The following TLN2 variants were observed in gnomAD, a reference collection of about 807,000 sequenced individuals.
The protein encoded by TLN2 is talin 2.
TLN2 carries 118 observed loss-of-function variants against 294.7 expected under a neutral mutation model. That is an observed-to-expected ratio of 0.40 (90% CI 0.34 to 0.47). The LOEUF (loss-of-function observed/expected upper bound fraction) is 0.47, where lower values mean the gene tolerates loss of function less well. TLN2 is among the 20% of genes least tolerant of loss of function. The pLI is 0.84. For synonymous variants in TLN2, 1,431 were observed against 1,304.5 expected (o/e 1.10, Z -2.09); for missense variants, 3,083 against 3,282.2 (o/e 0.94, Z 1.48).
At chr15:62,569,214 AT>A (rs2043662306) in intron 1 of TLN2, among the ~76,000 whole-genome samples, 1 of 152,188 alleles carries the variant, frequency 6.6e-6, no homozygotes, top group African/African-American at 2.4e-5. Context: ...TTCTCTCGAT[AT>A]CCCTAATTAC....
intron 1 of TLN2, among the ~76,000 whole-genome samples, chr15:62,503,679 C>T (rs1306825129): frequency 6.6e-6 from 1 of 152,238 alleles, no homozygotes; most frequent in Non-Finnish European, 1.5e-5. Flanking sequence ...CCCATTTCCT[C>T]TCTTGGCTCT....
chr15:62,439,464 C>G (rs891901593), intron 1 of TLN2, among the ~76,000 whole-genome samples: 9 of 152,194 alleles, frequency 5.9e-5, no homozygotes, highest in African/African-American at 2.2e-4. Context: ...AGGTACCCAC[C>G]ACCACGCCCG....
intron 1 of TLN2, among the ~76,000 whole-genome samples, chr15:62,561,638 GGAGT>G (rs2042966251): frequency 6.6e-6 from 1 of 152,188 alleles, no homozygotes; most frequent in East Asian, 1.9e-4. Context: ...CGCTTTCTAT[GGAGT>G]TGAGGAAAGT....
chr15:62,829,422 A>C (rs142614290), intron 54 of TLN2: 1 of 152,076 alleles, frequency 6.6e-6, no homozygotes, highest in African/African-American at 2.4e-5. Context: ...AACAGATCTC[A>C]TGAAACTTAC....
In TLN2 at chr15:62,840,714, T is replaced by TCCCGGGTGAG; in HGVS notation, c.*107_*116dup. On this transcript the variant is annotated 3_prime_UTR_variant, in exon 59 of 59. Transcript: ENST00000636159. ...CTTAGCTGGAAACCGCCCACCTCCC[T>TCCCGGGTGAG]CCCGGGTGAGCCTGGAGCCCTGCGT... 6.8e-7 allele frequency: 1 copy of TCCCGGGTGAG among 1,476,470 alleles called. No homozygotes were observed. The highest frequency in any genetic ancestry group is 1.4e-5 in the South Asian group (1 of 71,888). 91.5% of individuals were successfully genotyped at this position (1,476,470 alleles called of 1,614,324 possible).
At chr15:62,800,232 G>T (rs1004165871) in intron 48 of TLN2, 136 bp from the exon 49 acceptor site, 3 of 1,398,192 alleles carry the variant, frequency 2.1e-6, no homozygotes, top group Non-Finnish European at 1.9e-6. Flanking sequence ...TTCCCAGGAG[G>T]TCTGCCATGC....
intron 1 of TLN2, among the ~76,000 whole-genome samples, chr15:62,517,390 A>G (rs1186875411): frequency 6.6e-6 from 1 of 152,224 alleles, no homozygotes; most frequent in African/African-American, 2.4e-5. Flanking sequence ...CTTGAAAAAT[A>G]ACTGAGTTAA....
At chr15:62,524,734 G>C (rs1335041581) in intron 1 of TLN2, among the ~76,000 whole-genome samples, 1 of 152,184 alleles carries the variant, frequency 6.6e-6, no homozygotes, top group African/African-American at 2.4e-5. Context: ...CAGTTGGGCT[G>C]CCTCATACAT....
At chr15:62,787,777 C>A (rs957869333) in intron 45 of TLN2, among the ~76,000 whole-genome samples, 1 of 148,612 alleles carries the variant, frequency 6.7e-6, no homozygotes. Flanking sequence ...ACTGCAACCT[C>A]CGCCACCGGG....
chr15:62,791,176 G>A lies in TLN2; in HGVS notation c.5737-1465G>A, dbSNP rs561391399. The stretch of plus-strand genomic sequence containing the variant: ...AGCCTGGCCAACATGGTGAAACCCC[G>A]TCTCTACTAAAAAAAAAAAAATACA... On this transcript the variant is annotated intron_variant, in intron 45 of 58. Transcript: ENST00000636159. Among the ~76,000 whole-genome samples, 713 of 134,800 alleles carry A rather than the reference G, an allele frequency of 5.3e-3. 6 individuals carry two copies. The highest frequency in any genetic ancestry group is 0.018 in the African/African-American group (661 of 37,362). 88.4% of individuals were successfully genotyped at this position (134,800 alleles called of 152,430 possible).
In TLN2 at chr15:62,835,937, A is replaced by T. The variant is rs1224309143; in HGVS notation, c.7238A>T (p.Asn2413Ile). 6.2e-7 allele frequency: 1 copy of T among 1,614,158 alleles called. No individual in the cohort carries two copies. The highest frequency in any genetic ancestry group is 8.5e-7 in the Non-Finnish European group (1 of 1,180,026). The change falls in exon 57 of 59, where the codon AAT (asparagine) becomes ATT (isoleucine). Residue 2413 changes from asparagine to isoleucine, a missense_variant. Transcript: ENST00000636159. ...ACCAGCAGTCTCTGTGAGGCGGCCA[A>T]TGCCTCCGTTCAGGGACACGCCAGC... ...AATSSLCEAANASVQGHASEE... is the reference protein window; with the variant it reads ...AATSSLCEAAIASVQGHASEE...
At position 62,797,271 on chromosome 15, in the gene TLN2, G is replaced by A. The variant is rs374521039; in HGVS notation, c.6103G>A (p.Val2035Met). The change falls in exon 48 of 59, where the codon GTG (valine) becomes ATG (methionine). Residue 2035 changes from valine (V) to methionine (M), a missense_variant. By Grantham distance (21) the Val-to-Met change is conservative. Transcript: ENST00000636159. ...KALVEDTKLL[V>M]SGAASTPDKL... ...CTTGGTAGAAGACACGAAACTACTT[G>A]TGTCAGGAGCTGCGTCCACTCCTGA... 3 of 1,613,884 alleles carry A rather than the reference G, an allele frequency of 1.9e-6. No homozygotes were observed. The highest frequency in any genetic ancestry group is 3.3e-5 in the Admixed American group (2 of 60,004).
chr15:62,578,734 G>C (rs2044657239), intron 1 of TLN2, among the ~76,000 whole-genome samples: 1 of 152,210 alleles, frequency 6.6e-6, no homozygotes, highest in African/African-American at 2.4e-5. Context: ...ATTTATTGCA[G>C]GTGTGCTGTG....
intron 9 of TLN2, among the ~76,000 whole-genome samples, chr15:62,672,610 A>G (rs1259289135): frequency 6.6e-6 from 1 of 152,208 alleles, no homozygotes; most frequent in Non-Finnish European, 1.5e-5. Flanking sequence ...ATTCACTGAT[A>G]CTGGCTCCAG....
At chr15:62,780,687 C>T (rs115471991) in intron 43 of TLN2, among the ~76,000 whole-genome samples, 1 of 152,320 alleles carries the variant, frequency 6.6e-6, no homozygotes, top group African/African-American at 2.4e-5. Flanking sequence ...CGTGGATAGC[C>T]ATGGACTCGA....
chr15:62,740,451 T>C, intron 31 of TLN2, 179 bp from the exon 32 acceptor site: 1 of 706,690 alleles, frequency 1.4e-6, no homozygotes, highest in Non-Finnish European at 2.3e-6. Flanking sequence ...AGCATCTGTT[T>C]GGAGAAGGGT....
At chr15:62,759,406 G>A (rs1221677432) in intron 37 of TLN2, among the ~76,000 whole-genome samples, 4 of 151,994 alleles carry the variant, frequency 2.6e-5, no homozygotes, top group Non-Finnish European at 5.9e-5. Flanking sequence ...TATGATTTTA[G>A]GGCCTGTGCT....
intron 1 of TLN2, among the ~76,000 whole-genome samples, chr15:62,406,101 G>T (rs2033382587): frequency 6.6e-6 from 1 of 152,164 alleles, no homozygotes; most frequent in Non-Finnish European, 1.5e-5. Flanking sequence ...ATTGGAAGCT[G>T]ACGGATTGTA....
At chr15:62,726,119 C>CA (rs11369535) in intron 27 of TLN2, among the ~76,000 whole-genome samples, 133,732 of 152,156 alleles carry the variant, frequency 0.88, 59,096 homozygotes, top group Non-Finnish European at 0.94. Flanking sequence ...TTCTATACCC[C>CA]AGGGAGTGCA....
Sources: allele counts gnomAD v4.1 joint callset (sites outside exome capture counted in the v4.1 genomes callset), GRCh38; gene constraint gnomAD v4.1.1; transcripts MANE v1.5; gene names NCBI Gene and HGNC (gene_info 2026-07-23, HGNC 2026-07-21).